SHANK2: variants seen among roughly 807,000 people sequenced by gnomAD.
SHANK2 encodes the protein SH3 and multiple ankyrin repeat domains protein 2.
Under a neutral mutation model 133.7 loss-of-function variants are expected in SHANK2, and 43 were observed. The observed-to-expected ratio is 0.32, with a 90% CI of 0.25 to 0.41. The LOEUF (loss-of-function observed/expected upper bound fraction) is 0.41, where lower values mean the gene tolerates loss of function less well. SHANK2 is among the 10% of genes least tolerant of loss of function. SHANK2 has a pLI of 1.00. For synonymous variants in SHANK2, 1,017 were observed against 952.8 expected (o/e 1.07, Z -1.24); for missense variants, 1,994 against 2,235.8 (o/e 0.89, Z 2.18).
chr11:70,629,769 C>G (rs1368474785), intron 17 of SHANK2, among the ~76,000 whole-genome samples: 2 of 152,174 alleles, frequency 1.3e-5, no homozygotes, highest in African/African-American at 4.8e-5. Context: ...AATGCCCTGA[C>G]TCCAATAAGC....
At chr11:70,600,674 G>A (rs905588004) in intron 17 of SHANK2, among the ~76,000 whole-genome samples, 1 of 152,048 alleles carries the variant, frequency 6.6e-6, no homozygotes, top group Non-Finnish European at 1.5e-5. Flanking sequence ...CCTCCAGCAC[G>A]GAAGATCTTG....
intron 17 of SHANK2, among the ~76,000 whole-genome samples, chr11:70,599,388 A>T (rs1440131971): frequency 6.7e-6 from 1 of 149,952 alleles, no homozygotes; most frequent in Non-Finnish European, 1.5e-5. Flanking sequence ...CGGGCGGATC[A>T]TGAGGTCAGG....
intron 2 of SHANK2, among the ~76,000 whole-genome samples, chr11:71,148,458 C>A (rs558766149): frequency 2.0e-4 from 31 of 152,288 alleles, no homozygotes; most frequent in African/African-American, 7.5e-4. Context: ...TCTATGACAT[C>A]CCCCACCTCT....
chr11:71,203,911 G>C (rs1170780106), intron 2 of SHANK2, among the ~76,000 whole-genome samples: 1 of 152,212 alleles, frequency 6.6e-6, no homozygotes, highest in East Asian at 1.9e-4. Flanking sequence ...ACACATCTTT[G>C]GGGGGAACCA....
chr11:70,496,365 C>A (rs2058970876), intron 21 of SHANK2, among the ~76,000 whole-genome samples: 2 of 152,210 alleles, frequency 1.3e-5, no homozygotes, highest in Admixed American at 1.3e-4. Context: ...ATCCACTGCA[C>A]ACTGAGGGTC....
At chr11:70,912,755 A>T (rs1189989337) in intron 10 of SHANK2, among the ~76,000 whole-genome samples, 1 of 151,806 alleles carries the variant, frequency 6.6e-6, no homozygotes, top group Non-Finnish European at 1.5e-5. Context: ...AACCACTTAA[A>T]CCTCTTTTTG....
At chr11:70,707,051 G>GGGA (rs1945677201) in intron 14 of SHANK2, among the ~76,000 whole-genome samples, 1 of 152,094 alleles carries the variant, frequency 6.6e-6, no homozygotes, top group Non-Finnish European at 1.5e-5. Flanking sequence ...AGGATGGGTT[G>GGGA]GGAGGAGGTG....
In SHANK2 at chr11:70,654,929, A is replaced by T. The variant is rs569978591; in HGVS notation, c.2061+4899T>A. On this transcript the variant is annotated intron_variant, in intron 17 of 25. Transcript: ENST00000601538. ...ATTTCAGACACGCACCACCACGCCC[A>T]GCTAATTTTTTGTATTTTTAGTAGA... is the stretch of plus-strand genomic sequence containing the variant. Among the ~76,000 whole-genome samples the T allele has an allele frequency of 5.3e-4, 80 of 152,158 alleles. No individual in the cohort carries two copies. The South Asian group carries it at 0.016, about 31-fold the overall frequency.
At chr11:71,057,806 C>A (rs979056938) in intron 9 of SHANK2, among the ~76,000 whole-genome samples, 11 of 151,726 alleles carry the variant, frequency 7.2e-5, no homozygotes, top group Non-Finnish European at 1.0e-4. Flanking sequence ...GCCTCTACCT[C>A]CCAAAATGCT....
intron 1 of SHANK2, among the ~76,000 whole-genome samples, chr11:71,226,049 G>T (rs1337116011): frequency 6.6e-6 from 1 of 152,066 alleles, no homozygotes; most frequent in African/African-American, 2.4e-5. Context: ...CTGGACCCAG[G>T]AGGTAGAGGT....
chr11:70,483,003 C>T (rs1010953393), intron 25 of SHANK2, among the ~76,000 whole-genome samples: 9 of 152,202 alleles, frequency 5.9e-5, no homozygotes, highest in Non-Finnish European at 1.0e-4. Flanking sequence ...GACGGGGTCC[C>T]TGGACTCCCC....
chr11:71,098,235 C>G (rs1270737314), intron 6 of SHANK2, among the ~76,000 whole-genome samples: 3 of 140,104 alleles, frequency 2.1e-5, no homozygotes, highest in Admixed American at 2.1e-4. Context: ...GTCTACATGC[C>G]TGTGTGCATG....
intron 2 of SHANK2, among the ~76,000 whole-genome samples, chr11:71,185,349 C>T (rs185782722): frequency 1.3e-3 from 205 of 152,368 alleles, no homozygotes; most frequent in African/African-American, 4.8e-3. Flanking sequence ...CCTACCTTCA[C>T]CTCCTTCTGG....
At chr11:70,881,949 G>C (rs550721391) in intron 11 of SHANK2, among the ~76,000 whole-genome samples, 1 of 152,114 alleles carries the variant, frequency 6.6e-6, no homozygotes, top group African/African-American at 2.4e-5. Context: ...TGGCCTCAAA[G>C]GATCCTCCCA....
intron 3 of SHANK2, among the ~76,000 whole-genome samples, chr11:71,139,307 T>C (rs1272446036): frequency 6.7e-6 from 1 of 148,626 alleles, no homozygotes; most frequent in African/African-American, 2.5e-5. Context: ...CCCGTTCTAT[T>C]TTCTTCTCTG....
At chr11:71,177,604 G>T (rs797024259) in intron 2 of SHANK2, among the ~76,000 whole-genome samples, 8 of 152,166 alleles carry the variant, frequency 5.3e-5, no homozygotes, top group African/African-American at 1.9e-4. Context: ...AGAAAAAGAA[G>T]AAAAGCAGAA....
At chr11:71,147,700 T>C (rs1348674098) in intron 2 of SHANK2, among the ~76,000 whole-genome samples, 1 of 152,234 alleles carries the variant, frequency 6.6e-6, no homozygotes, top group African/African-American at 2.4e-5. Flanking sequence ...TGGGGCTGTC[T>C]GAGCTACCCA....
chr11:70,479,396 G>A lies in SHANK2; in HGVS notation c.4979+5918C>T, dbSNP rs1382976679. Reference sequence around the variant, plus strand: ...GCCCAGTAGGGACTGGAGGCCTTGGGAAGGGGAGGCAGGTACCGTGAGGCA... The same window carrying A: ...GCCCAGTAGGGACTGGAGGCCTTGGAAAGGGGAGGCAGGTACCGTGAGGCA... On this transcript the variant is annotated intron_variant, in intron 25 of 25. Coordinates refer to ENST00000601538, the MANE Select transcript of SHANK2 (RefSeq NM_012309.5). The surrounding 1 kb of genome is among the most constrained non-coding windows in gnomAD (Gnocchi z 4.4). 6.6e-6 allele frequency among the ~76,000 whole-genome samples: 1 copy of A among 152,232 alleles called. No homozygotes were observed. The highest frequency in any genetic ancestry group is 1.5e-5 in the Non-Finnish European group (1 of 68,036).
chr11:70,600,418 C>CAAAAAAAAAAAAAAAAAAAAAAAAA (rs56103044), intron 17 of SHANK2, among the ~76,000 whole-genome samples: 5 of 95,462 alleles, frequency 5.2e-5, no homozygotes, highest in East Asian at 3.0e-4. Flanking sequence ...GACTCTGTCT[C>CAAAAAAAAAAAAAAAAAAAAAAAAA]AAAAAAAAAA....
Sources: gnomAD v4.1 joint callset for allele counts (sites outside exome capture counted in the v4.1 genomes callset) on GRCh38, gnomAD v4.1.1 for gene constraint, Gnocchi (gnomAD v3.1) non-coding constraint, MANE v1.5 for transcripts, NCBI Gene and HGNC (gene_info 2026-07-23, HGNC 2026-07-21) for gene names.